GRIA3: variants seen among roughly 807,000 people sequenced by gnomAD.
The protein encoded by GRIA3 is glutamate receptor 3.
A neutral mutation model predicts 63.0 loss-of-function variants in GRIA3; 3 were observed. The ratio of observed to expected loss-of-function variants is 0.05; its 90% CI spans 0.02 to 0.12. GRIA3 has a LOEUF of 0.12. Ranked by LOEUF, GRIA3 falls within the 10% of genes least tolerant of loss-of-function variation. The pLI is 1.00. For synonymous variants in GRIA3, 274 were observed against 257.9 expected, an observed-to-expected ratio of 1.06 and a Z score of -0.60; for missense variants, 347 against 700.9, an observed-to-expected ratio of 0.50 and a Z score of 5.70.
intron 2 of GRIA3, among the ~76,000 whole-genome samples, chrX:123,206,778 A>G (rs1927900358): frequency 8.9e-6 from 1 of 111,873 alleles, no homozygotes; most frequent in Non-Finnish European, 1.9e-5. Flanking sequence ...TAATTTTGAG[A>G]GATATTATAT....
chrX:123,267,195 G>A (rs1329640378), intron 3 of GRIA3, among the ~76,000 whole-genome samples: 2 of 111,815 alleles, frequency 1.8e-5, no homozygotes, highest in Admixed American at 9.5e-5. Context: ...AGGATTACAG[G>A]AACATTGAGG....
intron 11 of GRIA3, among the ~76,000 whole-genome samples, chrX:123,427,474 C>A (rs2045595756): frequency 9.0e-6 from 1 of 111,203 alleles, no homozygotes; most frequent in African/African-American, 3.3e-5. Context: ...GCAAACTTCA[C>A]AGGAAGAGAA....
intron 12 of GRIA3, among the ~76,000 whole-genome samples, chrX:123,441,063 G>A (rs2045671438): frequency 8.9e-6 from 1 of 111,847 alleles, no homozygotes; most frequent in Admixed American, 9.5e-5. Flanking sequence ...AAATAAAGAA[G>A]ACAGGTGATT....
intron 3 of GRIA3, among the ~76,000 whole-genome samples, chrX:123,269,438 C>T (rs950212197): frequency 7.1e-5 from 8 of 112,138 alleles, no homozygotes; most frequent in Non-Finnish European, 1.5e-4. Flanking sequence ...ACTTCTGAGA[C>T]ATAGAACGAA....
chrX:123,417,773 T>C lies in GRIA3; in HGVS notation c.1872T>C (p.Ser624=). 1 of 1,188,296 alleles carries C rather than the reference T, an allele frequency of 8.4e-7. No individual in the cohort carries two copies. Among genetic ancestry groups the C allele is most frequent in the Non-Finnish European group, 1.1e-6 (1 of 883,828 alleles). ...GAFMQQGCDI[S]PRSLSGRIVG... is the part of the protein sequence containing the mutation. ...TTATGCAGCAAGGATGTGATATTTC[T>C]CCAAGGTTTGTTTTTGTGGCATACT... is the stretch of plus-strand genomic sequence containing the variant. Residue 624 remains serine (S), a synonymous_variant, in exon 11 of 16, where the codon TCT becomes TCC. Transcript: ENST00000620443.
At chrX:123,270,289 G>T (rs1466822432) in intron 3 of GRIA3, among the ~76,000 whole-genome samples, 2 of 112,364 alleles carry the variant, frequency 1.8e-5, no homozygotes, top group Non-Finnish European at 3.8e-5. Flanking sequence ...TCATCCACTA[G>T]GAGGGCTATG....
At chrX:123,385,173 G>A (rs1044342404) in intron 5 of GRIA3, among the ~76,000 whole-genome samples, 1 of 111,625 alleles carries the variant, frequency 9.0e-6, no homozygotes, top group African/African-American at 3.3e-5. Context: ...GTTGATTTTT[G>A]TATATGGTGA....
chrX:123,369,545 T>C (rs963631490), intron 5 of GRIA3, among the ~76,000 whole-genome samples: 2 of 112,266 alleles, frequency 1.8e-5, no homozygotes, highest in Non-Finnish European at 3.8e-5. Context: ...CAAAATGTTG[T>C]ATGCACTGTG....
chrX:123,386,479 GTT>G (rs966779393), intron 5 of GRIA3, among the ~76,000 whole-genome samples: 9 of 111,112 alleles, frequency 8.1e-5, no homozygotes, highest in Non-Finnish European at 1.7e-4. Context: ...TCACTTGTCT[GTT>G]TTTGTTTTTG....
chrX:123,248,503 A>C (rs781325194), intron 2 of GRIA3, among the ~76,000 whole-genome samples: 1 of 111,983 alleles, frequency 8.9e-6, no homozygotes, highest in East Asian at 2.8e-4. Flanking sequence ...AATGGGTGTG[A>C]GGCTGGGCAT....
intron 10 of GRIA3, among the ~76,000 whole-genome samples, chrX:123,405,915 A>G (rs752152117): frequency 8.9e-6 from 1 of 112,732 alleles, no homozygotes; most frequent in East Asian, 2.8e-4. Context: ...TCATTTCAAT[A>G]TCACACAGTC....
chrX:123,194,149 G>A (rs1366777689), intron 2 of GRIA3, among the ~76,000 whole-genome samples: 1 of 111,061 alleles, frequency 9.0e-6, no homozygotes, highest in African/African-American at 3.3e-5. Flanking sequence ...GGTGTTTGCT[G>A]CAATAGGTGA....
At chrX:123,186,645 C>A (rs946530917) in intron 2 of GRIA3, among the ~76,000 whole-genome samples, 2 of 111,327 alleles carry the variant, frequency 1.8e-5, no homozygotes, top group African/African-American at 6.5e-5. Flanking sequence ...GAATGCCTAG[C>A]AAACTGAGGG....
At chrX:123,294,702 C>T (rs1415281856) in intron 3 of GRIA3, among the ~76,000 whole-genome samples, 1 of 110,831 alleles carries the variant, frequency 9.0e-6, no homozygotes, top group East Asian at 2.8e-4. Flanking sequence ...CCAGTAGCAT[C>T]ACACCCTGGA....
chrX:123,191,330 T>C (rs2147247800), intron 2 of GRIA3, among the ~76,000 whole-genome samples: 1 of 111,836 alleles, frequency 8.9e-6, no homozygotes, highest in Non-Finnish European at 1.9e-5. Flanking sequence ...GTGGGGGTGA[T>C]AGGTATTCTT....
At chrX:123,186,182 A>G (rs1307133351) in intron 2 of GRIA3, among the ~76,000 whole-genome samples, 192 bp downstream of exon 2, 7 of 111,677 alleles carry the variant, frequency 6.3e-5, no homozygotes, top group African/African-American at 2.3e-4. Flanking sequence ...AGACAGTGGG[A>G]AAAACTCAAG....
At chrX:123,325,025 T>G (rs2044892199) in intron 3 of GRIA3, among the ~76,000 whole-genome samples, 1 of 112,183 alleles carries the variant, frequency 8.9e-6, no homozygotes, top group South Asian at 3.7e-4. Flanking sequence ...CATTAGTCAT[T>G]ACTTGAATAT....
At chrX:123,375,264 C>T (rs1350818355) in intron 5 of GRIA3, among the ~76,000 whole-genome samples, 2 of 112,052 alleles carry the variant, frequency 1.8e-5, no homozygotes, top group Non-Finnish European at 3.8e-5. Context: ...GTTGAACCAT[C>T]CTTGCATCCC....
At chrX:123,204,644 C>T in intron 2 of GRIA3, 1 of 1,076,749 alleles carries the variant, frequency 9.3e-7, no homozygotes, top group Non-Finnish European at 1.2e-6. Flanking sequence ...GATGAAATAT[C>T]AAGAGAGGTT....
Sources: allele counts gnomAD v4.1 joint callset (sites outside exome capture counted in the v4.1 genomes callset), GRCh38; gene constraint gnomAD v4.1.1; transcripts MANE v1.5; gene names NCBI Gene and HGNC (gene_info 2026-07-23, HGNC 2026-07-21).